Variants in GAP43 observed in about 807,000 individuals in gnomAD.
The protein encoded by GAP43 is neuromodulin.
A neutral mutation model predicts 18.6 loss-of-function variants in GAP43; 6 were observed. That is an observed-to-expected ratio of 0.32 (90% CI 0.18 to 0.64). The LOEUF is 0.64. Among genes scored for constraint, GAP43 ranks in the 30% least tolerant of loss-of-function variants. The pLI is 0.78. For missense variants in GAP43, 292 were observed against 295.5 expected (o/e 0.99, Z 0.09); for synonymous variants, 115 against 111.4 (o/e 1.03, Z -0.20).
At chr3:115,652,541 T>C (rs1708533764) in intron 1 of GAP43, among the ~76,000 whole-genome samples, 1 of 151,704 alleles carries the variant, frequency 6.6e-6, no homozygotes, top group African/African-American at 2.4e-5. Flanking sequence ...TGTGCCACCA[T>C]GCCCAGCTAA....
chr3:115,678,926 A>G (rs1296954996), intron 2 of GAP43, among the ~76,000 whole-genome samples: 1 of 150,632 alleles, frequency 6.6e-6, no homozygotes, highest in East Asian at 1.9e-4. Context: ...TGTGACAAGC[A>G]CAAATTACTC....
rs148220015 is a variant in GAP43 at position 115,661,550 on chromosome 3, G to A, written c.31-14463G>A. Among the ~76,000 whole-genome samples the A allele has an allele frequency of 5.9e-3, 899 of 152,170 alleles. 3 individuals are homozygous for A. Among genetic ancestry groups the A allele is most frequent in the Non-Finnish European group, 9.7e-3 (662 of 68,004 alleles). ...GTCGCCCAGGCTGGAGTGCAGTGGC[G>A]TGATCTCTGTTCACTGCAAGCTCTG... On this transcript the variant is annotated intron_variant, in intron 1 of 2. Coordinates refer to ENST00000305124, the MANE Select transcript of GAP43 (RefSeq NM_002045.4).
At chr3:115,693,845 CT>C (rs1315270524) in intron 2 of GAP43, among the ~76,000 whole-genome samples, 3 of 152,068 alleles carry the variant, frequency 2.0e-5, no homozygotes, top group Non-Finnish European at 2.9e-5. Flanking sequence ...CTGCTCCCCA[CT>C]TTTATTTTAT....
At position 115,623,725 on chromosome 3, in the gene GAP43, G is replaced by A. The variant is rs377400063; in HGVS notation, c.30+6G>A. The A allele has an allele frequency of 1.4e-4, 226 of 1,614,046 alleles. No individual in the cohort carries two copies. The highest frequency in any genetic ancestry group is 1.7e-4 in the Non-Finnish European group (204 of 1,179,986). On this transcript the variant is annotated splice_donor_region_variant and intron_variant, in intron 1 of 2. Coordinates refer to ENST00000305124, the MANE Select transcript of GAP43 (RefSeq NM_002045.4). ...GTATGAGAAGAACCAAACAGGTAGAGCTAAAGATTTTTTACTTCTTGCTGT... is the reference window on the plus strand; with the variant it reads ...GTATGAGAAGAACCAAACAGGTAGAACTAAAGATTTTTTACTTCTTGCTGT...
intron 2 of GAP43, among the ~76,000 whole-genome samples, chr3:115,681,882 C>T (rs1261178669): frequency 6.6e-6 from 1 of 152,130 alleles, no homozygotes; most frequent in Admixed American, 6.5e-5. Flanking sequence ...TGACAGCTAG[C>T]AATGTTGAAC....
chr3:115,676,077 A>G lies in GAP43; in HGVS notation c.95A>G (p.His32Arg), dbSNP rs1559798318. 4.3e-6 allele frequency: 7 copies of G among 1,614,226 alleles called. No individual in the cohort carries two copies. The highest frequency in any genetic ancestry group is 5.9e-6 in the Non-Finnish European group (7 of 1,180,042). ...GGTATCAAACCAGAAGATAAAGCTC[A>G]TAAGGCCGCAACCAAAATTCAGGCT... Reference protein sequence around the residue: ...QDGIKPEDKAHKAATKIQASF... With the variant: ...QDGIKPEDKARKAATKIQASF... The change falls in exon 2 of 3, where the codon CAT (histidine) becomes CGT (arginine). Residue 32 changes from histidine (H) to arginine (R), a missense_variant. Coordinates refer to ENST00000305124, the MANE Select transcript of GAP43 (RefSeq NM_002045.4).
intron 2 of GAP43, among the ~76,000 whole-genome samples, chr3:115,713,651 G>T (rs1305562327): frequency 6.6e-6 from 1 of 152,230 alleles, no homozygotes; most frequent in African/African-American, 2.4e-5. Context: ...ATAAAGGCAA[G>T]AACTGCTTCC....
chr3:115,692,199 C>T (rs775345199), intron 2 of GAP43, among the ~76,000 whole-genome samples: 4 of 152,062 alleles, frequency 2.6e-5, no homozygotes, highest in Non-Finnish European at 5.9e-5. Flanking sequence ...GTTGTGTGTG[C>T]CTGTGTTTTA....
intron 1 of GAP43, among the ~76,000 whole-genome samples, chr3:115,629,427 G>A (rs1192135742): frequency 1.4e-5 from 2 of 138,048 alleles, no homozygotes; most frequent in Non-Finnish European, 3.1e-5. Flanking sequence ...TTTTTTACCT[G>A]ATGACACCAT....
Position 115,720,985 on chromosome 3 carries a change from C to T in GAP43, c.*103C>T, listed in dbSNP as rs1044350914. The T allele has an allele frequency of 4.0e-5, 25 of 626,172 alleles. No homozygotes were observed. The highest frequency in any genetic ancestry group is 1.1e-4 in the Admixed American group (4 of 37,726). 38.8% of individuals were successfully genotyped at this position (626,172 alleles called of 1,614,324 possible). ...CTCTGAAGTCCCTTCCTGTCCTGCT[C>T]ACGTCTGTGAGTCTGTCCTTTCCCA... On this transcript the variant is annotated 3_prime_UTR_variant, in exon 3 of 3. Transcript: ENST00000305124.
chr3:115,682,393 C>T (rs530766718), intron 2 of GAP43, among the ~76,000 whole-genome samples: 1 of 152,242 alleles, frequency 6.6e-6, no homozygotes, highest in South Asian at 2.1e-4. Flanking sequence ...GCAATTGCTA[C>T]CCTAAGTTTA....
At chr3:115,694,381 C>T (rs1284635607) in intron 2 of GAP43, among the ~76,000 whole-genome samples, 1 of 152,210 alleles carries the variant, frequency 6.6e-6, no homozygotes, top group African/African-American at 2.4e-5. Context: ...AAATGTGAAG[C>T]CAACCTAATG....
At chr3:115,645,246 G>C (rs141666667) in intron 1 of GAP43, among the ~76,000 whole-genome samples, 1 of 151,984 alleles carries the variant, frequency 6.6e-6, no homozygotes, top group Non-Finnish European at 1.5e-5. Context: ...ATTATTTTCC[G>C]TGACATCCTT....
At position 115,676,272 on chromosome 3, in the gene GAP43, A is replaced by G; in HGVS notation, c.290A>G (p.Lys97Arg). The stretch of plus-strand genomic sequence containing the variant: ...GAAGCAGCCCCAGCCACTGGCTCCA[A>G]GCCTGATGAGCCCGGCAAAGCAGGA... ...TAEAAPATGS[K>R]PDEPGKAGET... Residue 97 changes from lysine (K) to arginine (R), a missense_variant, in exon 2 of 3, where the codon AAG (lysine) becomes AGG (arginine). Coordinates refer to ENST00000305124, the MANE Select transcript of GAP43 (RefSeq NM_002045.4). 6.2e-7 allele frequency: 1 copy of G among 1,614,164 alleles called. No homozygotes were observed. The highest frequency in any genetic ancestry group is 1.1e-5 in the South Asian group (1 of 91,066).
In GAP43 at chr3:115,636,739, G is replaced by A. The variant is rs186216948; in HGVS notation, c.30+13020G>A. ...TATTTACTTATGGTTGTGTTTCAAG[G>A]CTCCTTAGGATCTATTACCAATTTC... On this transcript the variant is annotated intron_variant, in intron 1 of 2. Transcript: ENST00000305124. Among the ~76,000 whole-genome samples the A allele has an allele frequency of 1.3e-3, 196 of 152,042 alleles. 1 individual carries two copies. The highest frequency in any genetic ancestry group is 6.8e-3 in the Middle Eastern group (2 of 294).
At position 115,721,046 on chromosome 3, in the gene GAP43, T is replaced by TA; in HGVS notation, c.*164_*165insA. On this transcript the variant is annotated 3_prime_UTR_variant, in exon 3 of 3. Transcript: ENST00000305124. ...CTCTTTCTCTCTGTGTGGCAAACAT[T>TA]TAAAAAAAAAAAAAAAAAGCAGGAA... is the stretch of plus-strand genomic sequence containing the variant. The TA allele has an allele frequency of 2.4e-5, 8 of 337,738 alleles. No homozygotes were observed. Among genetic ancestry groups the TA allele is most frequent in the East Asian group, 4.5e-5 (1 of 22,408 alleles). 20.9% of individuals were successfully genotyped at this position (337,738 alleles called of 1,614,324 possible).
chr3:115,631,925 A>C (rs1389660443), intron 1 of GAP43, among the ~76,000 whole-genome samples: 1 of 152,114 alleles, frequency 6.6e-6, no homozygotes, highest in Non-Finnish European at 1.5e-5. Flanking sequence ...GCTCAGAGTA[A>C]ATATTAACCA....
intron 2 of GAP43, among the ~76,000 whole-genome samples, chr3:115,683,137 GCGCGCGCGCGCACACA>G (rs1479759732): frequency 8.1e-6 from 1 of 123,370 alleles, no homozygotes; most frequent in African/African-American, 3.2e-5. Flanking sequence ...GCGCGCGTGC[GCGCGCGCGCGCACACA>G]CACACACACA....
intron 1 of GAP43, among the ~76,000 whole-genome samples, chr3:115,664,390 G>A (rs866277233): frequency 6.6e-6 from 1 of 151,956 alleles, no homozygotes; most frequent in Non-Finnish European, 1.5e-5. Context: ...TCTCCAGAAA[G>A]TAACAATTTG....
Sources: allele counts gnomAD v4.1 joint callset (sites outside exome capture counted in the v4.1 genomes callset), GRCh38; gene constraint gnomAD v4.1.1; transcripts MANE v1.5; gene names NCBI Gene and HGNC (gene_info 2026-07-23, HGNC 2026-07-21).